Variants in EML6 observed in about 807,000 individuals in gnomAD.
EML6 encodes echinoderm microtubule-associated protein-like 6.
EML6 carries 154 observed loss-of-function variants against 240.1 expected under a neutral mutation model. That is an observed-to-expected ratio of 0.64 (90% CI 0.56 to 0.73). EML6 has a LOEUF of 0.73. Ranked by LOEUF, EML6 falls within the 30% of genes least tolerant of loss-of-function variation. The probability of loss-of-function intolerance (pLI) is 0.00; values close to 1 mark genes in which losing one functional copy is unlikely to be tolerated. For missense variants in EML6, 2,964 were observed against 2,474.6 expected (o/e 1.20, Z -4.20); for synonymous variants, 1,148 against 899.0 (o/e 1.28, Z -4.95).
intron 29 of EML6, among the ~76,000 whole-genome samples, chr2:54,950,347 T>C (rs1373864475): frequency 6.6e-6 from 1 of 152,202 alleles, no homozygotes; most frequent in Non-Finnish European, 1.5e-5. Context: ...AGGTACCCTT[T>C]ACAGGGCATC....
chr2:54,803,821 G>C, intron 2 of EML6, among the ~76,000 whole-genome samples: 1 of 152,276 alleles, frequency 6.6e-6, no homozygotes, highest in East Asian at 1.9e-4. Context: ...TAGAGTGTTA[G>C]CTCCTGTGTG....
At chr2:54,867,116 C>A in intron 14 of EML6, 1 of 350,332 alleles carries the variant, frequency 2.9e-6, no homozygotes. Flanking sequence ...CTAGATTTCT[C>A]AGACTTCATA....
intron 2 of EML6, among the ~76,000 whole-genome samples, chr2:54,746,878 A>G (rs867441150): frequency 5.9e-5 from 9 of 152,158 alleles, no homozygotes; most frequent in Non-Finnish European, 1.3e-4. Context: ...GCCACGAGTG[A>G]TCAGTGATTG....
At chr2:54,942,434 C>G (rs1309333298) in intron 28 of EML6, among the ~76,000 whole-genome samples, 1 of 152,204 alleles carries the variant, frequency 6.6e-6, no homozygotes, top group Admixed American at 6.5e-5. Context: ...CTCACAGATT[C>G]TCCATCTGGG....
chr2:54,835,042 C>G (rs1669065807), intron 7 of EML6, among the ~76,000 whole-genome samples: 1 of 152,060 alleles, frequency 6.6e-6, no homozygotes, highest in Non-Finnish European at 1.5e-5. Flanking sequence ...GCTCCTTCCC[C>G]TCGCTGCTTC....
chr2:54,957,815 T>A lies in EML6; in HGVS notation c.4512T>A (p.Gly1504=). The A allele has an allele frequency of 3.2e-6, 5 of 1,549,722 alleles. No individual in the cohort carries two copies. Among genetic ancestry groups the A allele is most frequent in the Non-Finnish European group, 4.4e-6 (5 of 1,146,948 alleles). ...GTGCCAAGGTTGCCAGCCGAGGGGGTCACCTGGAGCGCATATTTGTGGTGG... is the reference window on the plus strand; with the variant it reads ...GTGCCAAGGTTGCCAGCCGAGGGGGACACCTGGAGCGCATATTTGTGGTGG... ...QEGAKVASRG[G]HLERIFVVEF... The change falls in exon 33 of 42, where the codon GGT becomes GGA. Residue 1504 remains glycine (G), a synonymous_variant. Transcript: ENST00000356458.
At chr2:54,822,383 A>ATTGCTTGG (rs1201928847) in intron 5 of EML6, among the ~76,000 whole-genome samples, 1 of 152,206 alleles carries the variant, frequency 6.6e-6, no homozygotes, top group African/African-American at 2.4e-5. Context: ...TTCATATCTT[A>ATTGCTTGG]GAATCTATCC....
At chr2:54,876,811 C>T (rs936481368) in intron 16 of EML6, among the ~76,000 whole-genome samples, 2 of 152,066 alleles carry the variant, frequency 1.3e-5, no homozygotes, top group African/African-American at 2.4e-5. Context: ...CATCCATCAC[C>T]TCAAACATTT....
intron 2 of EML6, among the ~76,000 whole-genome samples, chr2:54,765,544 T>C (rs961336741): frequency 2.0e-5 from 3 of 152,184 alleles, no homozygotes; most frequent in African/African-American, 7.2e-5. Context: ...CACTGCAAGC[T>C]CCGCCTGCCG....
At chr2:54,824,442 A>G (rs1436960993) in intron 5 of EML6, among the ~76,000 whole-genome samples, 2 of 152,292 alleles carry the variant, frequency 1.3e-5, no homozygotes, top group South Asian at 2.1e-4. Flanking sequence ...TGTATTCTCT[A>G]TATCCAATTA....
chr2:54,964,296 C>T (rs1000141912), intron 37 of EML6, 138 bp downstream of exon 37: 1 of 831,968 alleles, frequency 1.2e-6, no homozygotes, highest in African/African-American at 1.7e-5. Context: ...TGAAAGAATA[C>T]CTTCTCCCAC....
intron 30 of EML6, among the ~76,000 whole-genome samples, chr2:54,951,688 T>G (rs1014778245): frequency 1.4e-5 from 2 of 144,074 alleles, no homozygotes; most frequent in Admixed American, 1.5e-4. Context: ...TTGCCTTATT[T>G]GCTCATGCCT....
chr2:54,918,337 A>T (rs1674040987), intron 26 of EML6, among the ~76,000 whole-genome samples: 1 of 152,166 alleles, frequency 6.6e-6, no homozygotes, highest in East Asian at 1.9e-4. Flanking sequence ...CATTCCATTT[A>T]TTTATTTATT....
At chr2:54,871,639 G>A (rs752618234) in intron 16 of EML6, 34 bp downstream of exon 16, 21 of 1,434,534 alleles carry the variant, frequency 1.5e-5, no homozygotes, top group Middle Eastern at 1.7e-4. Context: ...ATGGTTCTAC[G>A]TTGAGAGAGA....
At chr2:54,891,281 A>T in intron 18 of EML6, 127 bp downstream of exon 18, 1 of 516,176 alleles carries the variant, frequency 1.9e-6, no homozygotes, top group Non-Finnish European at 3.5e-6. Context: ...TGCCTAAAAA[A>T]ATTATCTCCC....
At chr2:54,823,427 A>G (rs754670785) in intron 5 of EML6, among the ~76,000 whole-genome samples, 3 of 150,026 alleles carry the variant, frequency 2.0e-5, no homozygotes, top group East Asian at 2.0e-4. Flanking sequence ...AAGATTACCA[A>G]TGTTTTCATC....
chr2:54,888,003 T>C (rs1303408645), intron 17 of EML6, among the ~76,000 whole-genome samples: 1 of 152,256 alleles, frequency 6.6e-6, no homozygotes, highest in African/African-American at 2.4e-5. Context: ...TTGACACATA[T>C]TTTTCATGTA....
chr2:54,948,110 G>C (rs1386369124), intron 28 of EML6, among the ~76,000 whole-genome samples: 1 of 152,160 alleles, frequency 6.6e-6, no homozygotes, highest in Non-Finnish European at 1.5e-5. Context: ...CATCCATAGA[G>C]AAATCTGATT....
intron 28 of EML6, among the ~76,000 whole-genome samples, chr2:54,943,619 A>G (rs1675539368): frequency 6.6e-6 from 1 of 152,132 alleles, no homozygotes; most frequent in Admixed American, 6.6e-5. Flanking sequence ...CCCTGAGTCC[A>G]GTGACTCTCC....
Sources: gnomAD v4.1 joint callset for allele counts (sites outside exome capture counted in the v4.1 genomes callset) on GRCh38, gnomAD v4.1.1 for gene constraint, MANE v1.5 for transcripts, NCBI Gene and HGNC (gene_info 2026-07-23, HGNC 2026-07-21) for gene names.